The following SEC14L2 variants were observed in gnomAD, a reference collection of about 807,000 sequenced individuals.
SEC14L2 encodes SEC14 like lipid binding 2, also known as SEC14-like protein 2.
In SEC14L2, 50 loss-of-function variants were observed where a neutral mutation model predicts 56.9. That is an observed-to-expected ratio of 0.88 (90% confidence interval 0.70 to 1.11). The LOEUF is 1.11. Ranked by LOEUF, SEC14L2 falls within the 50% of genes most tolerant of loss-of-function variation. The pLI is 0.00. For missense variants in SEC14L2, 414 were observed against 500.7 expected, an observed-to-expected ratio of 0.83 and a Z score of 1.65; for synonymous variants, 179 against 188.5, an observed-to-expected ratio of 0.95 and a Z score of 0.41.
intron 2 of SEC14L2, among the ~76,000 whole-genome samples, chr22:30,404,198 T>C (rs1416541248): frequency 6.6e-6 from 1 of 152,020 alleles, no homozygotes; most frequent in East Asian, 1.9e-4. Flanking sequence ...CAGTATCTTG[T>C]CCAAGGTCAA....
In SEC14L2 at chr22:30,409,180, C is replaced by T. The variant is rs745505441; in HGVS notation, c.424-7C>T. 3 of 1,613,362 alleles carry T rather than the reference C, an allele frequency of 1.9e-6. No homozygotes were observed. In the South Asian group the frequency reaches 3.3e-5, roughly 18 times the overall value. ...TGACAAGACTTCCTGCTCTCTGTTC[C>T]CTGCAGTTGGGGAGGAAGGTGGAGA... On this transcript the variant is annotated splice_region_variant and splice_polypyrimidine_tract_variant and intron_variant, in intron 5 of 11. Transcript: ENST00000615189.
At position 30,410,682 on chromosome 22, in the gene SEC14L2, A is replaced by C. The variant is rs1329818577; in HGVS notation, c.664+3A>C. The C allele has an allele frequency of 6.2e-7, 1 of 1,613,744 alleles. No individual in the cohort carries two copies. The highest frequency in any genetic ancestry group is 1.1e-5 in the South Asian group (1 of 91,068). On this transcript the variant is annotated splice_donor_region_variant and intron_variant, in intron 8 of 11. Transcript: ENST00000615189. ...TAAGAAGATCATGGTCCTGGGAGGT[A>C]AGTGGTCCAGACTGTTCTCAACTCC...
chr22:30,407,056 A>G (rs1243152498), intron 3 of SEC14L2, 39 bp from the exon 4 acceptor site: 1 of 1,604,756 alleles, frequency 6.2e-7, no homozygotes, highest in Admixed American at 1.7e-5. Flanking sequence ...CTGGCTGTCC[A>G]TCCCTCCTTT....
In SEC14L2 at chr22:30,422,341, G is replaced by A. The variant is rs776928662; in HGVS notation, c.1146G>A (p.Glu382=). The change falls in exon 12 of 12, where the codon GAG becomes GAA. Residue 382 remains glutamate (E), a synonymous_variant. Coordinates refer to ENST00000615189, the MANE Select transcript of SEC14L2 (RefSeq NM_012429.5). Reference sequence around the variant, plus strand: ...CCAAGAAGGTCAATTTCACTGTGGAGGTCCTGCTTCCAGACAAAGCCTCAG... The same window carrying A: ...CCAAGAAGGTCAATTTCACTGTGGAAGTCCTGCTTCCAGACAAAGCCTCAG... ...IHAKKVNFTV[E]VLLPDKASEE... 13 of 1,614,088 alleles carry A rather than the reference G, an allele frequency of 8.1e-6. No homozygotes were observed. The highest frequency in any genetic ancestry group is 1.1e-5 in the South Asian group (1 of 91,090).
intron 1 of SEC14L2, chr22:30,397,475 T>G: frequency 2.5e-6 from 1 of 405,634 alleles, no homozygotes. Flanking sequence ...GCAACATTCA[T>G]CCTCGGGACT....
Position 30,423,862 on chromosome 22 carries a change from C to T in SEC14L2, c.*1455C>T, listed in dbSNP as rs1934591643. 2 of 152,312 alleles carry T rather than the reference C, an allele frequency of 1.3e-5. No individual in the cohort carries two copies. The highest frequency in any genetic ancestry group is 2.1e-4 in the South Asian group (1 of 4,838). The allele number at this position is 152,312 out of a possible 1,614,324, so 9.4% of individuals were successfully genotyped here. A position where few individuals can be genotyped will look rare whatever the true frequency, so the allele number is the denominator to read the frequency against. On this transcript the variant is annotated 3_prime_UTR_variant, in exon 12 of 12. Transcript: ENST00000615189. ...CGCAGGGAGTGAAATTCAATGCCCA[C>T]CGCTAGGCTCCTCGCTGCCTCTCAC...
At position 30,422,887 on chromosome 22, in the gene SEC14L2, A is replaced by G; in HGVS notation, c.*480A>G. 6.5e-6 allele frequency: 1 copy of G among 154,380 alleles called. No homozygotes were observed. The highest frequency in any genetic ancestry group is 1.4e-5 in the Non-Finnish European group (1 of 69,108). The allele number at this position is 154,380 out of a possible 1,614,324, so 9.6% of individuals were successfully genotyped here. A position where few individuals can be genotyped will look rare whatever the true frequency, so the allele number is the denominator to read the frequency against. On this transcript the variant is annotated 3_prime_UTR_variant, in exon 12 of 12. Transcript: ENST00000615189. Reference sequence around the variant, plus strand: ...ACGGTGGGGATCAGAAACTCTTCCAAACATTTTAGCACTGAGGCTGGGGTA... The same window carrying G: ...ACGGTGGGGATCAGAAACTCTTCCAGACATTTTAGCACTGAGGCTGGGGTA...
chr22:30,409,734 T>TA (rs1399922638), intron 7 of SEC14L2, among the ~76,000 whole-genome samples: 1 of 150,836 alleles, frequency 6.6e-6, no homozygotes, highest in East Asian at 2.0e-4. Context: ...CTCATCTCTA[T>TA]AAAAAAGTTA....
At chr22:30,405,677 T>C (rs527293420) in intron 2 of SEC14L2, among the ~76,000 whole-genome samples, 49 of 152,162 alleles carry the variant, frequency 3.2e-4, no homozygotes, top group Non-Finnish European at 5.9e-4. Context: ...ATATTCATCT[T>C]TGTTTTTTGT....
chr22:30,406,378 TC>T lies in SEC14L2; in HGVS notation c.169del (p.Arg57GlyfsTer23). 6.2e-7 allele frequency: 1 copy of T among 1,614,110 alleles called. No individual in the cohort carries two copies. The highest frequency in any genetic ancestry group is 8.5e-7 in the Non-Finnish European group (1 of 1,179,984). On this transcript the variant is annotated frameshift_variant, in exon 3 of 12. Coordinates refer to ENST00000615189, the MANE Select transcript of SEC14L2 (RefSeq NM_012429.5). LOFTEE classifies it high-confidence loss of function. ...SFDLQKSEAM[L>X]RKHVEFRKQK... ...GACCTGCAGAAGTCGGAGGCCATGC[TC>T]CGGAAGGTGAGACACATTTGGCTGT...
At position 30,399,532 on chromosome 22, in the gene SEC14L2, A is replaced by G. The variant is rs989362121; in HGVS notation, c.55-111A>G. 84 of 572,360 alleles carry G rather than the reference A, an allele frequency of 1.5e-4. 1 individual carries two copies. The highest frequency in any genetic ancestry group is 7.3e-4 in the African/African-American group (38 of 52,074). 35.5% of individuals were successfully genotyped at this position (572,360 alleles called of 1,614,324 possible). A position where few individuals can be genotyped will look rare whatever the true frequency, so the allele number is the denominator to read the frequency against. On this transcript the variant is annotated intron_variant, in intron 1 of 11. Coordinates refer to ENST00000615189, the MANE Select transcript of SEC14L2 (RefSeq NM_012429.5). ...CTATCTCAAAAAAAAAAAAAAAAAA[A>G]AAAAAGAAACAAAGAAAGAGGCGTC...
intron 5 of SEC14L2, 98 bp downstream of exon 5, chr22:30,407,701 C>T: frequency 9.5e-7 from 1 of 1,052,466 alleles, no homozygotes; most frequent in Non-Finnish European, 1.3e-6. Context: ...AGCTTCAGGG[C>T]CAAGGCCCAG....
At chr22:30,404,980 G>C (rs1934051579) in intron 2 of SEC14L2, among the ~76,000 whole-genome samples, 1 of 152,034 alleles carries the variant, frequency 6.6e-6, no homozygotes, top group Non-Finnish European at 1.5e-5. Flanking sequence ...TGAGGCAGGA[G>C]AATTGCTTGA....
At chr22:30,400,623 G>C (rs1280467966) in intron 2 of SEC14L2, among the ~76,000 whole-genome samples, 1 of 151,904 alleles carries the variant, frequency 6.6e-6, no homozygotes, top group Non-Finnish European at 1.5e-5. Context: ...GGCCAGGTGC[G>C]GTGGCTCACG....
chr22:30,402,307 G>C (rs1933961680), intron 2 of SEC14L2, among the ~76,000 whole-genome samples: 1 of 151,092 alleles, frequency 6.6e-6, no homozygotes, highest in Admixed American at 6.9e-5. Flanking sequence ...GCTGCTGTTG[G>C]GGGAGAAGCA....
At chr22:30,414,236 C>G (rs1202114429) in intron 8 of SEC14L2, among the ~76,000 whole-genome samples, 1 of 152,190 alleles carries the variant, frequency 6.6e-6, no homozygotes, top group Non-Finnish European at 1.5e-5. Flanking sequence ...ACTATAAAAG[C>G]TGAGCAAGAG....
intron 2 of SEC14L2, chr22:30,400,496 C>T (rs996537860): frequency 2.0e-5 from 3 of 152,284 alleles, no homozygotes; most frequent in African/African-American, 7.2e-5. Context: ...TTCCCCTCCT[C>T]TCCTTTCCTG....
intron 8 of SEC14L2, 71 bp from the exon 9 acceptor site, chr22:30,415,688 C>T: frequency 7.4e-7 from 1 of 1,358,226 alleles, no homozygotes; most frequent in Non-Finnish European, 1.0e-6. Flanking sequence ...TTAGTGTAGA[C>T]CACTAGGGTT....
At position 30,409,456 on chromosome 22, in the gene SEC14L2, G is replaced by A. The variant is rs150971899; in HGVS notation, c.550G>A (p.Glu184Lys). 1.5e-4 allele frequency: 242 copies of A among 1,614,060 alleles called. No individual in the cohort carries two copies. The highest frequency in any genetic ancestry group is 1.9e-4 in the Non-Finnish European group (225 of 1,180,028). ...FLCMFEENYP[E>K]TLKRLFVVKA... ...CTGCATGTTTGAGGAAAATTATCCC[G>A]AAACACTGAAGCGTCTTTTTGTTGT... Residue 184 changes from glutamate (E) to lysine (K), a missense_variant, in exon 7 of 12, where the codon GAA (glutamate) becomes AAA (lysine). By Grantham distance (56) the Glu-to-Lys change is moderately conservative. Transcript: ENST00000615189.
Sources: allele counts gnomAD v4.1 joint callset (sites outside exome capture counted in the v4.1 genomes callset), GRCh38; gene constraint gnomAD v4.1.1; transcripts MANE v1.5; gene names NCBI Gene and HGNC (gene_info 2026-07-23, HGNC 2026-07-21).